The following FAM107B variants were observed in gnomAD, a reference collection of about 807,000 sequenced individuals.
The protein encoded by FAM107B is protein FAM107B.
Under a neutral mutation model 31.5 loss-of-function variants are expected in FAM107B, and 21 were observed. The ratio of observed to expected loss-of-function variants is 0.67; its 90% CI spans 0.47 to 0.96. FAM107B has a LOEUF of 0.96. Among genes scored for constraint, FAM107B ranks in the 40% least tolerant of loss-of-function variants. The pLI is 0.00. For synonymous variants in FAM107B, 157 were observed against 141.5 expected (o/e 1.11, Z -0.78); for missense variants, 452 against 377.1 (o/e 1.20, Z -1.64).
intron 2 of FAM107B, among the ~76,000 whole-genome samples, chr10:14,647,253 G>T (rs752468482): frequency 9.9e-5 from 15 of 152,184 alleles, no homozygotes; most frequent in Non-Finnish European, 2.1e-4. Context: ...CAGACAAGAA[G>T]AATTCCGGGA....
chr10:14,720,497 G>A (rs574767233), intron 1 of FAM107B, among the ~76,000 whole-genome samples: 9 of 152,244 alleles, frequency 5.9e-5, no homozygotes, highest in East Asian at 3.9e-4. Context: ...CAGGTTATCC[G>A]CCTGCCTCAG....
intron 1 of FAM107B, among the ~76,000 whole-genome samples, chr10:14,728,429 C>T (rs1363632937): frequency 6.6e-6 from 1 of 151,638 alleles, no homozygotes; most frequent in Non-Finnish European, 1.5e-5. Flanking sequence ...ACAGAAGACA[C>T]TAAATAAAAG....
At chr10:14,756,661 G>A (rs539605464) in intron 1 of FAM107B, among the ~76,000 whole-genome samples, 8 of 152,260 alleles carry the variant, frequency 5.3e-5, no homozygotes, top group South Asian at 4.2e-4. Context: ...TCCCATTACC[G>A]GGTATACACC....
chr10:14,766,504 T>C (rs1833164472), intron 1 of FAM107B, among the ~76,000 whole-genome samples: 1 of 151,940 alleles, frequency 6.6e-6, no homozygotes, highest in African/African-American at 2.4e-5. Flanking sequence ...AGGAGGTGAG[T>C]TCAGAGAGGT....
At chr10:14,692,600 G>A (rs919170697) in intron 1 of FAM107B, among the ~76,000 whole-genome samples, 15 of 152,098 alleles carry the variant, frequency 9.9e-5, no homozygotes, top group Admixed American at 3.3e-4. Flanking sequence ...GAACATACCC[G>A]TTTGTCATGG....
At chr10:14,692,412 T>A (rs927797548) in intron 1 of FAM107B, among the ~76,000 whole-genome samples, 6 of 152,148 alleles carry the variant, frequency 3.9e-5, no homozygotes, top group African/African-American at 1.4e-4. Context: ...GTGGGGTGAC[T>A]TCATCGTACA....
intron 1 of FAM107B, among the ~76,000 whole-genome samples, chr10:14,762,752 TCTCACACACACACACACACACACA>T (rs1833077601): frequency 3.4e-5 from 4 of 117,578 alleles, no homozygotes; most frequent in South Asian, 5.4e-4. Context: ...TGAAACTCTG[TCTCACACACACACACACACACACA>T]CACACACACA....
intron 1 of FAM107B, among the ~76,000 whole-genome samples, chr10:14,763,105 T>G (rs543960851): frequency 6.6e-6 from 1 of 151,880 alleles, no homozygotes; most frequent in Non-Finnish European, 1.5e-5. Flanking sequence ...CTACTGATAA[T>G]ACAAAACTTA....
rs1008760715 is a variant in FAM107B, at chr10:14,705,197, T to TA, written c.412-37507dup. ...CACACCCATTAGAATGACCACTATTTAAAAAAAAGAAAATAATAAGCAGTG... is the reference window on the plus strand; with the variant it reads ...CACACCCATTAGAATGACCACTATTTAAAAAAAAAGAAAATAATAAGCAGTG... On this transcript the variant is annotated intron_variant, in intron 1 of 4. Coordinates refer to ENST00000181796, the MANE Select transcript of FAM107B (RefSeq NM_031453.4). Among the ~76,000 whole-genome samples, 78 of 151,762 alleles carry TA rather than the reference T, an allele frequency of 5.1e-4. 1 individual carries two copies. Among genetic ancestry groups the TA allele is most frequent in the Non-Finnish European group, 1.0e-3 (68 of 67,964 alleles).
At chr10:14,698,318 G>T (rs1006556089) in intron 1 of FAM107B, among the ~76,000 whole-genome samples, 2 of 152,228 alleles carry the variant, frequency 1.3e-5, no homozygotes, top group East Asian at 3.9e-4. Context: ...GTGATCAAAG[G>T]CCCAACTGAA....
In FAM107B at chr10:14,518,826, A is replaced by C. The variant is rs1295918393; in HGVS notation, c.*2364T>G. The C allele has an allele frequency of 1.3e-5, 2 of 152,642 alleles. No homozygotes were observed. The highest frequency in any genetic ancestry group is 6.5e-5 in the Admixed American group (1 of 15,276). 9.5% of individuals were successfully genotyped at this position (152,642 alleles called of 1,614,324 possible). A position where few individuals can be genotyped will look rare whatever the true frequency, so the allele number is the denominator to read the frequency against. On this transcript the variant is annotated 3_prime_UTR_variant, in exon 5 of 5. Coordinates refer to ENST00000181796, the MANE Select transcript of FAM107B (RefSeq NM_031453.4). Reference sequence around the variant, plus strand: ...CTATGAGACTATAAAACATTAAACTATTTTAAGAAAACCACGCTGTGGAAA... The same window carrying C: ...CTATGAGACTATAAAACATTAAACTCTTTTAAGAAAACCACGCTGTGGAAA...
intron 2 of FAM107B, among the ~76,000 whole-genome samples, chr10:14,620,017 C>CT (rs71388190): frequency 6.6e-4 from 55 of 83,844 alleles, no homozygotes; most frequent in African/African-American, 1.7e-3. Flanking sequence ...TTCTTTCTTT[C>CT]TTTTTTTTTT....
At chr10:14,741,695 G>A (rs536734730) in intron 1 of FAM107B, among the ~76,000 whole-genome samples, 5 of 147,082 alleles carry the variant, frequency 3.4e-5, no homozygotes, top group Admixed American at 2.0e-4. Flanking sequence ...TCCTCTCCTC[G>A]ACTTTCCATG....
chr10:14,655,510 C>T (rs924412848), intron 2 of FAM107B, among the ~76,000 whole-genome samples: 2 of 152,228 alleles, frequency 1.3e-5, no homozygotes, highest in Non-Finnish European at 2.9e-5. Flanking sequence ...ACCTCCGCCT[C>T]CCAGGTTCAA....
rs546777814 is a variant in FAM107B, at chr10:14,557,849, C to G, written c.470-27334G>C. Among the ~76,000 whole-genome samples the G allele has an allele frequency of 3.2e-4, 48 of 152,348 alleles. 1 individual carries two copies. In the South Asian group the frequency reaches 9.7e-3, roughly 31 times the overall value. On this transcript the variant is annotated intron_variant, in intron 2 of 4. Transcript: ENST00000181796. The stretch of plus-strand genomic sequence containing the variant: ...GGGCCTAGCCAGGACCCAGCCAGGT[C>G]CCAGCCAGGTCTACCTGATGCCAGA...
At chr10:14,560,911 T>A (rs1850184289) in intron 2 of FAM107B, among the ~76,000 whole-genome samples, 1 of 152,196 alleles carries the variant, frequency 6.6e-6, no homozygotes, top group Admixed American at 6.5e-5. Context: ...CAGATGACTG[T>A]TCTGGGAGAC....
At chr10:14,611,527 TA>T (rs1174820042) in intron 2 of FAM107B, among the ~76,000 whole-genome samples, 109 of 129,536 alleles carry the variant, frequency 8.4e-4, no homozygotes, top group African/African-American at 3.0e-3. Context: ...TATATATATA[TA>T]TTCACCTAAC....
rs1324805492 is a variant in FAM107B at position 14,518,839 on chromosome 10, C to T, written c.*2351G>A. 1 of 152,400 alleles carries T rather than the reference C, an allele frequency of 6.6e-6. No homozygotes were observed. Among genetic ancestry groups the T allele is most frequent in the Non-Finnish European group, 1.5e-5 (1 of 67,990 alleles). The allele number at this position is 152,400 out of a possible 1,614,324, so 9.4% of individuals were successfully genotyped here. A position where few individuals can be genotyped will look rare whatever the true frequency, so the allele number is the denominator to read the frequency against. The stretch of plus-strand genomic sequence containing the variant: ...AAACATTAAACTATTTTAAGAAAAC[C>T]ACGCTGTGGAAAAATGGAGCCATTT... On this transcript the variant is annotated 3_prime_UTR_variant, in exon 5 of 5. Coordinates refer to ENST00000181796, the MANE Select transcript of FAM107B (RefSeq NM_031453.4).
chr10:14,604,324 G>T (rs1852515790), intron 2 of FAM107B: 2 of 909,550 alleles, frequency 2.2e-6, no homozygotes, highest in African/African-American at 3.6e-5. Context: ...ACTGCTCGGC[G>T]GCGGCCCGAG....
Sources: gnomAD v4.1 joint callset for allele counts (sites outside exome capture counted in the v4.1 genomes callset) on GRCh38, gnomAD v4.1.1 for gene constraint, MANE v1.5 for transcripts, NCBI Gene and HGNC (gene_info 2026-07-23, HGNC 2026-07-21) for gene names.